EDN1: variants seen among roughly 807,000 people sequenced by gnomAD.
The protein encoded by EDN1 is endothelin 1, also known as endothelin-1.
EDN1 carries 11 observed loss-of-function variants against 21.7 expected under a neutral mutation model. The ratio of observed to expected loss-of-function variants is 0.51; its 90% CI spans 0.32 to 0.84. The LOEUF is 0.84. Ranked by LOEUF, EDN1 falls within the 40% of genes least tolerant of loss-of-function variation. EDN1 has a pLI of 0.03. For synonymous variants in EDN1, 85 were observed against 90.6 expected, an observed-to-expected ratio of 0.94 and a Z score of 0.35; for missense variants, 244 against 262.3, an observed-to-expected ratio of 0.93 and a Z score of 0.48.
At chr6:12,266,570 G>A in the EDN1 span, among the ~76,000 whole-genome samples, 1 of 152,208 alleles carries the variant, frequency 6.6e-6, no homozygotes, top group African/African-American at 2.4e-5. Flanking sequence ...AGACTTGCAA[G>A]TGCTAAGGTG....
chr6:12,277,681 A>G, the EDN1 span, among the ~76,000 whole-genome samples: 1 of 152,370 alleles, frequency 6.6e-6, no homozygotes, highest in African/African-American at 2.4e-5. Context: ...ATATTACAAT[A>G]TGTCAGGAGT....
the EDN1 span, among the ~76,000 whole-genome samples, chr6:12,282,189 A>T: frequency 1.3e-5 from 2 of 152,168 alleles, no homozygotes; most frequent in Non-Finnish European, 2.9e-5. Context: ...TTGAAAGGGG[A>T]GGAGTATGGG....
At chr6:12,242,429 C>T in the EDN1 span, among the ~76,000 whole-genome samples, 2 of 152,116 alleles carry the variant, frequency 1.3e-5, no homozygotes, top group African/African-American at 2.4e-5. Context: ...CCAATTCTGC[C>T]TCTGCTACTT....
chr6:12,281,142 A>C, the EDN1 span, among the ~76,000 whole-genome samples: 3 of 151,942 alleles, frequency 2.0e-5, no homozygotes, highest in Non-Finnish European at 2.9e-5. Flanking sequence ...CCTCTTACAG[A>C]CCTCTCTGTA....
At chr6:12,235,394 G>A in the EDN1 span, among the ~76,000 whole-genome samples, 6 of 152,204 alleles carry the variant, frequency 3.9e-5, no homozygotes, top group African/African-American at 9.6e-5. Flanking sequence ...AATGATTATC[G>A]GGAATATATG....
At chr6:12,249,143 T>G in the EDN1 span, among the ~76,000 whole-genome samples, 1 of 152,216 alleles carries the variant, frequency 6.6e-6, no homozygotes, top group Non-Finnish European at 1.5e-5. Context: ...CCTCAGATTT[T>G]GTATTTCTAA....
At chr6:12,258,473 C>CAAAAAAAAAAAAAAAAA in the EDN1 span, among the ~76,000 whole-genome samples, 1 of 67,442 alleles carries the variant, frequency 1.5e-5, no homozygotes, top group Admixed American at 1.3e-4. Context: ...AAAAAAAAAG[C>CAAAAAAAAAAAAAAAAA]CAATTACATT....
upstream of EDN1, among the ~76,000 whole-genome samples, chr6:12,288,499 AGC>A (rs1762602838): frequency 6.6e-6 from 1 of 151,616 alleles, no homozygotes; most frequent in South Asian, 2.1e-4. Context: ...GGCTGAGGTA[AGC>A]GCACAGCGGA....
the EDN1 span, among the ~76,000 whole-genome samples, chr6:12,274,700 C>T: frequency 6.6e-6 from 1 of 152,204 alleles, no homozygotes; most frequent in East Asian, 1.9e-4. Context: ...ATCTGTCTCA[C>T]TCAATTTTTG....
chr6:12,239,377 G>A, the EDN1 span, among the ~76,000 whole-genome samples: 7 of 152,148 alleles, frequency 4.6e-5, no homozygotes, highest in African/African-American at 1.7e-4. Context: ...CTAGGTCATG[G>A]CCACCTAAAA....
the EDN1 span, among the ~76,000 whole-genome samples, chr6:12,243,010 C>T: frequency 6.6e-6 from 1 of 152,124 alleles, no homozygotes; most frequent in Non-Finnish European, 1.5e-5. Flanking sequence ...ACCAACTCTC[C>T]TTGCAGTCAA....
At position 12,296,242 on chromosome 6, in the gene EDN1, C is replaced by T. The variant is rs1240779332; in HGVS notation, c.*175C>T. 2 of 626,738 alleles carry T rather than the reference C, an allele frequency of 3.2e-6. No homozygotes were observed. The highest frequency in any genetic ancestry group is 4.8e-5 in the Admixed American group (2 of 41,666). 38.8% of individuals were successfully genotyped at this position (626,738 alleles called of 1,614,324 possible). ...AAGAAAGGTTAAGGAGTTCCCCCAA[C>T]CATCTTCACTGGCTTCCATCAGTGG... On this transcript the variant is annotated 3_prime_UTR_variant, in exon 5 of 5. Transcript: ENST00000379375.
upstream of EDN1, among the ~76,000 whole-genome samples, chr6:12,289,830 C>T (rs1265649397): frequency 6.6e-6 from 1 of 152,142 alleles, no homozygotes; most frequent in Non-Finnish European, 1.5e-5. Context: ...GAGAAAAGTA[C>T]GTTGATCTGC....
At chr6:12,256,186 A>AAAAAT in the EDN1 span, among the ~76,000 whole-genome samples, 1 of 152,224 alleles carries the variant, frequency 6.6e-6, no homozygotes, top group South Asian at 2.1e-4. Flanking sequence ...ATCTCTACAG[A>AAAAAT]AAAATAAAAT....
the EDN1 span, among the ~76,000 whole-genome samples, chr6:12,252,080 G>A: frequency 6.6e-6 from 1 of 152,148 alleles, no homozygotes; most frequent in East Asian, 1.9e-4. Context: ...ATGTGTATGT[G>A]TAAGGATGTA....
chr6:12,278,702 G>A, the EDN1 span, among the ~76,000 whole-genome samples: 15 of 152,254 alleles, frequency 9.9e-5, no homozygotes, highest in African/African-American at 3.4e-4. Flanking sequence ...GACCTGACCA[G>A]CCTGGTCAAC....
At chr6:12,261,888 G>A in the EDN1 span, among the ~76,000 whole-genome samples, 2 of 152,270 alleles carry the variant, frequency 1.3e-5, no homozygotes, top group South Asian at 2.1e-4. Flanking sequence ...TCAATGGAAT[G>A]GAGACTTATA....
chr6:12,253,474 T>A, the EDN1 span, among the ~76,000 whole-genome samples: 1 of 151,872 alleles, frequency 6.6e-6, no homozygotes, highest in African/African-American at 2.4e-5. Context: ...ATACCTCAAG[T>A]CTTAATAGCA....
chr6:12,275,035 A>T, the EDN1 span, among the ~76,000 whole-genome samples: 1 of 128,638 alleles, frequency 7.8e-6, no homozygotes, highest in African/African-American at 3.0e-5. Context: ...TCCCCCAAAG[A>T]CCCCTGATAT....
Sources: gnomAD v4.1 joint callset for allele counts (sites outside exome capture counted in the v4.1 genomes callset) on GRCh38, gnomAD v4.1.1 for gene constraint, MANE v1.5 for transcripts, NCBI Gene and HGNC (gene_info 2026-07-23, HGNC 2026-07-21) for gene names.